The following GRK1 variants were observed in gnomAD, a reference collection of about 807,000 sequenced individuals.
GRK1 encodes the protein G protein-coupled receptor kinase 1.
A neutral mutation model predicts 41.7 loss-of-function variants in GRK1; 28 were observed. The ratio of observed to expected loss-of-function variants is 0.67; its 90% CI spans 0.50 to 0.92. GRK1 has a LOEUF of 0.92. GRK1 is among the 40% of genes least tolerant of loss of function. The pLI, the probability that GRK1 is intolerant of heterozygous loss-of-function variation, is 0.00. For synonymous variants in GRK1, 327 were observed against 286.7 expected, an observed-to-expected ratio of 1.14 and a Z score of -1.42; for missense variants, 703 against 671.2, an observed-to-expected ratio of 1.05 and a Z score of -0.52.
chr13:113,659,799 C>T, the GRK1 span, among the ~76,000 whole-genome samples: 117 of 151,982 alleles, frequency 7.7e-4, no homozygotes, highest in Non-Finnish European at 5.6e-4. Flanking sequence ...AATGTTAGGG[C>T]GATAAGAACA....
At chr13:113,658,422 G>T in the GRK1 span, among the ~76,000 whole-genome samples, 1 of 152,250 alleles carries the variant, frequency 6.6e-6, no homozygotes, top group African/African-American at 2.4e-5. Context: ...AGCTTTGTCT[G>T]CTCTGATTGC....
rs185492179 is a variant in GRK1 at position 113,729,131 on chromosome 13, T to A, written c.1070-2088T>A. Among the ~76,000 whole-genome samples the A allele has an allele frequency of 2.0e-5, 3 of 152,242 alleles. No homozygotes were observed. The East Asian group carries it at 5.8e-4, about 29-fold the overall frequency. On this transcript the variant is annotated intron_variant, in intron 4 of 6. Coordinates refer to ENST00000335678, the MANE Select transcript of GRK1 (RefSeq NM_002929.3). ...GAGACTGTGGGACGAGGCAGAGAACTCAGCTTCAGCAAACTAGACATATGT... is the reference window on the plus strand; with the variant it reads ...GAGACTGTGGGACGAGGCAGAGAACACAGCTTCAGCAAACTAGACATATGT...
rs2049824969 is a variant in GRK1, at chr13:113,667,358, C to A, written c.-29C>A. The A allele has an allele frequency of 2.6e-6, 4 of 1,510,404 alleles. 1 individual carries two copies. The African/African-American group carries it at 5.5e-5, about 21-fold the overall frequency. 93.6% of individuals were successfully genotyped at this position (1,510,404 alleles called of 1,614,324 possible). ...GGCTTGGCCTCGGCTGATGGGCCCT[C>A]ACGCCTGAAGCGGGCAGGAAGCTCC... On this transcript the variant is annotated 5_prime_UTR_variant, in exon 1 of 7. Transcript: ENST00000335678. This position sits in a 1 kb window ranked among gnomAD's most constrained non-coding sequence, Gnocchi z 7.5.
chr13:113,656,639 C>T, the GRK1 span, among the ~76,000 whole-genome samples: 1 of 152,204 alleles, frequency 6.6e-6, no homozygotes, highest in Non-Finnish European at 1.5e-5. Flanking sequence ...CTCTCCTGCA[C>T]CTGCACCCGT....
upstream of GRK1, among the ~76,000 whole-genome samples, chr13:113,664,559 G>C (rs970831845): frequency 6.6e-6 from 1 of 152,178 alleles, no homozygotes; most frequent in African/African-American, 2.4e-5. The surrounding 1 kb of genome is among the most constrained non-coding windows in gnomAD (Gnocchi z 5.4). Context: ...TTTTAACTTT[G>C]CTTGTTTAAC....
the GRK1 span, among the ~76,000 whole-genome samples, chr13:113,659,750 C>G: frequency 6.6e-6 from 1 of 152,026 alleles, no homozygotes; most frequent in African/African-American, 2.4e-5. Context: ...CTTAATGGAC[C>G]TATCCTTCCT....
chr13:113,733,724 T>G (rs566851884), intron 6 of GRK1, among the ~76,000 whole-genome samples: 1 of 135,478 alleles, frequency 7.4e-6, no homozygotes, highest in African/African-American at 2.9e-5. Flanking sequence ...CACGTGTGTG[T>G]GCGCGCGTGT....
chr13:113,737,427 C>A lies in GRK1; in HGVS notation c.*2064C>A, dbSNP rs1173173312. 2.6e-4 allele frequency: 25 copies of A among 97,814 alleles called. 1 individual carries two copies. Among genetic ancestry groups the A allele is most frequent in the African/African-American group, 7.7e-4 (12 of 15,492 alleles). The allele number at this position is 97,814 out of a possible 1,614,324, so 6.1% of individuals were successfully genotyped here. On this transcript the variant is annotated 3_prime_UTR_variant, in exon 7 of 7. Transcript: ENST00000335678. The stretch of plus-strand genomic sequence containing the variant: ...GGAGCACGTCTTCCCATAGATCCCA[C>A]ATCGGCCACACCCTGGGTGAGGAGC...
chr13:113,736,366 A>G lies in GRK1; in HGVS notation c.*1003A>G, dbSNP rs923222760. 9 of 152,266 alleles carry G rather than the reference A, an allele frequency of 5.9e-5. No homozygotes were observed. The highest frequency in any genetic ancestry group is 2.2e-4 in the African/African-American group (9 of 41,448). The allele number at this position is 152,266 out of a possible 1,614,324, so 9.4% of individuals were successfully genotyped here. A position where few individuals can be genotyped will look rare whatever the true frequency, so the allele number is the denominator to read the frequency against. On this transcript the variant is annotated 3_prime_UTR_variant, in exon 7 of 7. Coordinates refer to ENST00000335678, the MANE Select transcript of GRK1 (RefSeq NM_002929.3). ...TCTCTGTGTTCCCAGTAGCAGCAGC[A>G]CTGGAGTCCTAAAGCCATAGCCCGG...
At chr13:113,725,141 G>A (rs531429534) in intron 4 of GRK1, among the ~76,000 whole-genome samples, 2 of 151,808 alleles carry the variant, frequency 1.3e-5, no homozygotes, top group Non-Finnish European at 2.9e-5. Flanking sequence ...CAAAGCCGCA[G>A]GGTCCGCATC....
At chr13:113,723,946 C>T (rs2049873859) in intron 4 of GRK1, among the ~76,000 whole-genome samples, 2 of 151,032 alleles carry the variant, frequency 1.3e-5, no homozygotes, top group Admixed American at 1.3e-4. Context: ...ATCCGTGTGC[C>T]TGTGTCTGTG....
chr13:113,732,580 G>A (rs1312071506), intron 5 of GRK1, among the ~76,000 whole-genome samples: 1 of 152,250 alleles, frequency 6.6e-6, no homozygotes, highest in Non-Finnish European at 1.5e-5. Flanking sequence ...CTTCTCAGCT[G>A]GGCCCGCGCT....
chr13:113,650,666 C>T, the GRK1 span, among the ~76,000 whole-genome samples: 3 of 152,146 alleles, frequency 2.0e-5, no homozygotes, highest in African/African-American at 7.2e-5. The surrounding 1 kb of genome is among the most constrained non-coding windows in gnomAD (Gnocchi z 5.0). Context: ...TCTTTCTAAT[C>T]AGTGCTGAGA....
upstream of GRK1, among the ~76,000 whole-genome samples, chr13:113,666,664 C>T (rs2049821229): frequency 6.6e-6 from 1 of 152,190 alleles, no homozygotes; most frequent in African/African-American, 2.4e-5. Flanking sequence ...TCTTGACAAT[C>T]CTGCCTTGCC....
chr13:113,653,680 G>A, the GRK1 span, among the ~76,000 whole-genome samples: 1 of 152,212 alleles, frequency 6.6e-6, no homozygotes. Flanking sequence ...GGTGGGGGGT[G>A]GCTGGCTCTC....
At chr13:113,652,139 C>T in the GRK1 span, among the ~76,000 whole-genome samples, 1 of 152,240 alleles carries the variant, frequency 6.6e-6, no homozygotes, top group Non-Finnish European at 1.5e-5. Flanking sequence ...AGCCCCCTTC[C>T]CCACACCTCT....
Position 113,731,374 on chromosome 13 carries a change from C to T in GRK1, c.1194+31C>T. The T allele has an allele frequency of 1.3e-6, 2 of 1,536,206 alleles. No individual in the cohort carries two copies. The highest frequency in any genetic ancestry group is 1.7e-6 in the Non-Finnish European group (2 of 1,146,504). On this transcript the variant is annotated intron_variant, in intron 5 of 6. Transcript: ENST00000335678. The surrounding 1 kb of genome is among the most constrained non-coding windows in gnomAD (Gnocchi z 5.6). ...AGGCGGCCGGCAGGTGTCTCTGCAG[C>T]CACCTTGGCGCCCTGGCTCTCGATG...
the GRK1 span, among the ~76,000 whole-genome samples, chr13:113,658,371 C>T: frequency 1.3e-5 from 2 of 152,268 alleles, no homozygotes; most frequent in African/African-American, 2.4e-5. Context: ...GGGCCAGGCC[C>T]GCTTTCCTCA....
upstream of GRK1, among the ~76,000 whole-genome samples, chr13:113,666,228 C>T (rs1180997788): frequency 1.4e-5 from 2 of 146,628 alleles, no homozygotes; most frequent in Admixed American, 6.7e-5. Context: ...CAGGTGTGTC[C>T]AAGATGTACC....
Sources: gnomAD v4.1 joint callset for allele counts (sites outside exome capture counted in the v4.1 genomes callset) on GRCh38, gnomAD v4.1.1 for gene constraint, Gnocchi (gnomAD v3.1) non-coding constraint, MANE v1.5 for transcripts, NCBI Gene and HGNC (gene_info 2026-07-23, HGNC 2026-07-21) for gene names.